CTNND2: variants seen among roughly 807,000 people sequenced by gnomAD.
CTNND2 encodes the protein catenin delta-2.
CTNND2 carries 22 observed loss-of-function variants against 144.4 expected under a neutral mutation model. That is an observed-to-expected ratio of 0.15 (90% CI 0.11 to 0.22). The LOEUF (loss-of-function observed/expected upper bound fraction) is 0.22. CTNND2 is among the 10% of genes least tolerant of loss of function. The pLI, the probability that CTNND2 is intolerant of heterozygous loss-of-function variation, is 1.00. For missense variants in CTNND2, 1,353 were observed against 1,618.8 expected (o/e 0.84, Z 2.82); for synonymous variants, 751 against 695.6 (o/e 1.08, Z -1.25).
intron 3 of CTNND2, among the ~76,000 whole-genome samples, chr5:11,489,724 T>C (rs1398909385): frequency 1.3e-5 from 2 of 152,240 alleles, no homozygotes; most frequent in Non-Finnish European, 1.5e-5. Flanking sequence ...TTATTCTCCA[T>C]ACTTGCTCAC....
intron 15 of CTNND2, 61 bp from the exon 16 acceptor site, chr5:11,082,907 T>C: frequency 8.3e-6 from 13 of 1,565,506 alleles, no homozygotes; most frequent in Non-Finnish European, 1.0e-5. Flanking sequence ...ATGCAAATAG[T>C]ACATTTGCGT....
chr5:11,129,437 C>G (rs1755340096), intron 12 of CTNND2, among the ~76,000 whole-genome samples: 1 of 145,070 alleles, frequency 6.9e-6, no homozygotes, highest in African/African-American at 2.6e-5. Context: ...CGATGGGACT[C>G]AGGGCATGCC....
At chr5:11,852,294 G>A (rs873765) in intron 1 of CTNND2, among the ~76,000 whole-genome samples, 147,207 of 152,186 alleles carry the variant, frequency 0.97, 71,378 homozygotes, top group East Asian at 1. Context: ...TTTTAAGTGC[G>A]TTCTTAAATT....
At chr5:11,223,740 T>C (rs529630255) in intron 10 of CTNND2, among the ~76,000 whole-genome samples, 48 of 152,144 alleles carry the variant, frequency 3.2e-4, no homozygotes, top group African/African-American at 1.1e-3. Flanking sequence ...GGAGAGGCCT[T>C]TGTTGGAGGA....
intron 17 of CTNND2, among the ~76,000 whole-genome samples, chr5:11,020,886 GAAC>G (rs1388818013): frequency 1.3e-5 from 2 of 151,696 alleles, no homozygotes; most frequent in African/African-American, 4.9e-5. Context: ...AGAGATAAAG[GAAC>G]AACAAGACAG....
At chr5:11,724,273 T>A (rs1264968671) in intron 2 of CTNND2, among the ~76,000 whole-genome samples, 1 of 152,128 alleles carries the variant, frequency 6.6e-6, no homozygotes, top group African/African-American at 2.4e-5. Flanking sequence ...CACTGCAGCA[T>A]TATTCAAGCC....
chr5:11,874,122 A>G (rs1377977375), intron 1 of CTNND2, among the ~76,000 whole-genome samples: 1 of 152,220 alleles, frequency 6.6e-6, no homozygotes, highest in Non-Finnish European at 1.5e-5. Flanking sequence ...ACATGCATTG[A>G]AGTCCCATCC....
At chr5:11,662,802 C>A (rs1173604607) in intron 2 of CTNND2, among the ~76,000 whole-genome samples, 5 of 152,100 alleles carry the variant, frequency 3.3e-5, no homozygotes, top group Admixed American at 2.6e-4. Context: ...CCAAAACATC[C>A]CCCTGCCTCC....
At chr5:11,615,874 A>G (rs549111015) in intron 2 of CTNND2, among the ~76,000 whole-genome samples, 24 of 152,256 alleles carry the variant, frequency 1.6e-4, no homozygotes, top group African/African-American at 5.8e-4. Flanking sequence ...ATGCATGACA[A>G]TGGTATTCTC....
At chr5:11,153,995 T>TCATC (rs1553984964) in intron 12 of CTNND2, among the ~76,000 whole-genome samples, 2 of 152,038 alleles carry the variant, frequency 1.3e-5, no homozygotes, top group African/African-American at 4.8e-5. Context: ...CTTCTACCCA[T>TCATC]AGTTCACCCT....
At chr5:11,854,877 T>C (rs1207788531) in intron 1 of CTNND2, among the ~76,000 whole-genome samples, 1 of 152,198 alleles carries the variant, frequency 6.6e-6, no homozygotes, top group Non-Finnish European at 1.5e-5. Context: ...TAAAACCAAA[T>C]ATGATGATGC....
At chr5:11,659,371 G>A (rs1187226508) in intron 2 of CTNND2, among the ~76,000 whole-genome samples, 2 of 152,052 alleles carry the variant, frequency 1.3e-5, no homozygotes, top group Non-Finnish European at 2.9e-5. Context: ...TACCAAGGGC[G>A]TATACCAGCA....
chr5:11,579,611 T>G (rs1474123214), intron 2 of CTNND2, among the ~76,000 whole-genome samples: 1 of 152,196 alleles, frequency 6.6e-6, no homozygotes, highest in African/African-American at 2.4e-5. Flanking sequence ...TCTAGCAAAT[T>G]AGCAGCCCAT....
chr5:11,116,163 T>C lies in CTNND2; in HGVS notation c.2277+1287A>G, dbSNP rs572402151. Among the ~76,000 whole-genome samples the C allele has an allele frequency of 3.9e-5, 6 of 152,326 alleles. No individual in the cohort carries two copies. The South Asian group carries it at 1.2e-3, about 32-fold the overall frequency. On this transcript the variant is annotated intron_variant, in intron 13 of 21. Transcript: ENST00000304623. ...TAGGGTCTGTGCAGATGTATTTACA[T>C]GAACACTCCAAAGGCAATTCTAATA...
At chr5:11,187,764 A>G (rs973798875) in intron 11 of CTNND2, among the ~76,000 whole-genome samples, 2 of 152,172 alleles carry the variant, frequency 1.3e-5, no homozygotes, top group African/African-American at 4.8e-5. Flanking sequence ...TATAAGAAAA[A>G]AACCAACCCC....
intron 6 of CTNND2, among the ~76,000 whole-genome samples, chr5:11,396,658 CA>C (rs1760170980): frequency 6.6e-6 from 1 of 152,024 alleles, no homozygotes. Flanking sequence ...TTAGGAGACA[CA>C]ATACTCAGTA....
intron 10 of CTNND2, among the ~76,000 whole-genome samples, chr5:11,216,710 A>G (rs1739237697): frequency 6.6e-6 from 1 of 152,242 alleles, no homozygotes; most frequent in Admixed American, 6.5e-5. Flanking sequence ...GCAGCAATAC[A>G]GTGCTCATAC....
intron 1 of CTNND2, among the ~76,000 whole-genome samples, chr5:11,819,272 A>G (rs561705439): frequency 2.0e-5 from 3 of 152,208 alleles, no homozygotes; most frequent in South Asian, 4.1e-4. Flanking sequence ...TGTTTCTACT[A>G]AAAATACAAA....
intron 9 of CTNND2, among the ~76,000 whole-genome samples, chr5:11,335,853 G>A (rs1181841247): frequency 6.6e-6 from 1 of 152,068 alleles, no homozygotes; most frequent in Non-Finnish European, 1.5e-5. Flanking sequence ...TGTGGGCCAA[G>A]TCTTTGTTTG....
Sources: allele counts gnomAD v4.1 joint callset (sites outside exome capture counted in the v4.1 genomes callset), GRCh38; gene constraint gnomAD v4.1.1; transcripts MANE v1.5; gene names NCBI Gene and HGNC (gene_info 2026-07-23, HGNC 2026-07-21).